Variants in TENM1 observed in about 807,000 individuals in gnomAD.
The protein encoded by TENM1 is teneurin-1.
Under a neutral mutation model 174.8 loss-of-function variants are expected in TENM1, and 35 were observed. The ratio of observed to expected loss-of-function variants is 0.20; its 90% confidence interval spans 0.15 to 0.27. TENM1 has a LOEUF of 0.27. Ranked by LOEUF, TENM1 falls within the 10% of genes least tolerant of loss-of-function variation. The pLI, the probability that TENM1 is intolerant of heterozygous loss-of-function variation, is 1.00. For missense variants in TENM1, 1,633 were observed against 2,130.1 expected, an observed-to-expected ratio of 0.77 and a Z score of 4.59; for synonymous variants, 781 against 798.7, an observed-to-expected ratio of 0.98 and a Z score of 0.37.
At chrX:124,864,165 C>T (rs1467124097) in intron 3 of TENM1, among the ~76,000 whole-genome samples, 2 of 111,798 alleles carry the variant, frequency 1.8e-5, no homozygotes, top group Admixed American at 9.5e-5. Flanking sequence ...ACAATAAACA[C>T]CTAACTCTTC....
At chrX:125,083,535 C>T in the TENM1 span, among the ~76,000 whole-genome samples, 1 of 110,473 alleles carries the variant, frequency 9.1e-6, no homozygotes, top group Admixed American at 9.7e-5. Context: ...CATACACACA[C>T]ATATGTTACT....
chrX:124,936,639 A>C (rs189298208), intron 1 of TENM1, among the ~76,000 whole-genome samples: 2 of 112,559 alleles, frequency 1.8e-5, no homozygotes, highest in Admixed American at 1.9e-4. Context: ...CAAAATAAAT[A>C]CTAAGAGTGC....
intron 1 of TENM1, among the ~76,000 whole-genome samples, chrX:124,919,325 G>A (rs1268222680): frequency 5.4e-5 from 6 of 111,615 alleles, no homozygotes; most frequent in Non-Finnish European, 5.7e-5. Flanking sequence ...AAAGACTACA[G>A]GATAAATAAA....
chrX:125,114,088 G>GATTTAAAATCAAATTTT, the TENM1 span, among the ~76,000 whole-genome samples: 1 of 111,772 alleles, frequency 8.9e-6, no homozygotes, highest in Admixed American at 9.5e-5. Flanking sequence ...AATCAAATTA[G>GATTTAAAATCAAATTTT]AACTCAGGAT....
chrX:124,908,983 T>C (rs373950482), intron 1 of TENM1, among the ~76,000 whole-genome samples: 20 of 110,472 alleles, frequency 1.8e-4, no homozygotes, highest in South Asian at 1.6e-3. Context: ...CTCAGGCTCC[T>C]GAGTAGCTGA....
intron 11 of TENM1, among the ~76,000 whole-genome samples, chrX:124,605,616 A>C (rs1248400466): frequency 9.0e-6 from 1 of 111,536 alleles, no homozygotes; most frequent in Non-Finnish European, 1.9e-5. Context: ...TCAGCCTCTG[A>C]GGACTAATGT....
intron 10 of TENM1, among the ~76,000 whole-genome samples, chrX:124,644,882 A>T (rs5958545): frequency 9.0e-6 from 1 of 111,063 alleles, no homozygotes; most frequent in African/African-American, 3.3e-5. Context: ...CCTAGAAAAT[A>T]GTGAGAGAAA....
intron 11 of TENM1, among the ~76,000 whole-genome samples, chrX:124,638,797 C>T (rs2050942191): frequency 9.0e-6 from 1 of 111,653 alleles, no homozygotes; most frequent in Non-Finnish European, 1.9e-5. Flanking sequence ...CCATAGCTGG[C>T]CCCTCTGCCC....
At chrX:124,700,705 T>TA (rs972951498) in intron 5 of TENM1, among the ~76,000 whole-genome samples, 5 of 111,250 alleles carry the variant, frequency 4.5e-5, no homozygotes, top group East Asian at 2.8e-4. Flanking sequence ...TCCTCTCTGT[T>TA]AAAAAAAATC....
At chrX:125,116,829 G>T in the TENM1 span, among the ~76,000 whole-genome samples, 1 of 110,900 alleles carries the variant, frequency 9.0e-6, no homozygotes, top group Non-Finnish European at 1.9e-5. Context: ...GGCCAACATG[G>T]TGAAACCCCG....
chrX:124,891,761 G>A (rs559355924), intron 3 of TENM1, among the ~76,000 whole-genome samples: 12 of 111,604 alleles, frequency 1.1e-4, no homozygotes, highest in African/African-American at 3.9e-4. Flanking sequence ...GTCAGAGACA[G>A]AGTTGTATAT....
At chrX:124,722,708 C>T (rs1208597241) in intron 4 of TENM1, among the ~76,000 whole-genome samples, 1 of 108,409 alleles carries the variant, frequency 9.2e-6, no homozygotes, top group African/African-American at 3.4e-5. Flanking sequence ...GGTGTGGTGG[C>T]AGGTGCCTGT....
intron 4 of TENM1, among the ~76,000 whole-genome samples, chrX:124,722,942 T>C (rs2053351281): frequency 9.0e-6 from 1 of 110,914 alleles, no homozygotes; most frequent in South Asian, 3.9e-4. Flanking sequence ...GTTGTTTTCT[T>C]CTGAATTATG....
At chrX:124,997,637 G>T in the TENM1 span, among the ~76,000 whole-genome samples, 1 of 111,273 alleles carries the variant, frequency 9.0e-6, no homozygotes, top group South Asian at 3.8e-4. Context: ...CATTAATGCT[G>T]CCATTAATTT....
chrX:124,871,412 G>C (rs947293628), intron 3 of TENM1, among the ~76,000 whole-genome samples: 4 of 111,393 alleles, frequency 3.6e-5, no homozygotes, highest in African/African-American at 1.3e-4. Flanking sequence ...GTATTGCAAG[G>C]AAGAGAGCTT....
intron 4 of TENM1, among the ~76,000 whole-genome samples, chrX:124,727,741 C>T (rs1252216197): frequency 2.7e-5 from 3 of 110,992 alleles, no homozygotes; most frequent in Non-Finnish European, 5.7e-5. Context: ...AAGCCAGTGC[C>T]AGGGGATGGA....
intron 3 of TENM1, among the ~76,000 whole-genome samples, chrX:124,855,758 C>T (rs2056804437): frequency 9.0e-6 from 1 of 111,320 alleles, no homozygotes; most frequent in Admixed American, 9.6e-5. Context: ...GTCAATTGTA[C>T]ATCTTGGATT....
At chrX:125,136,031 T>A in the TENM1 span, among the ~76,000 whole-genome samples, 1 of 111,965 alleles carries the variant, frequency 8.9e-6, no homozygotes, top group Non-Finnish European at 1.9e-5. Context: ...TTGTTTTGAT[T>A]AGGGTTAGTT....
rs1201606091 is a variant in TENM1 at position 124,380,417 on chromosome X, A to G, written c.*119T>C. On this transcript the variant is annotated 3_prime_UTR_variant, in exon 32 of 32. Transcript: ENST00000422452. ...TTCCGTCACATTGAAAGGCAGTTGG[A>G]TATGTTTTTCCTCCATATTTACATA... is the stretch of plus-strand genomic sequence containing the variant. The G allele has an allele frequency of 4.9e-6, 3 of 608,783 alleles. No individual in the cohort carries two copies. In the African/African-American group the frequency reaches 6.8e-5, roughly 14 times the overall value. The allele number at this position is 608,783 out of a possible 1,213,427, so 50.2% of individuals were successfully genotyped here.
Sources: gnomAD v4.1 joint callset for allele counts (sites outside exome capture counted in the v4.1 genomes callset) on GRCh38, gnomAD v4.1.1 for gene constraint, MANE v1.5 for transcripts, NCBI Gene and HGNC (gene_info 2026-07-23, HGNC 2026-07-21) for gene names.